Variants in LANCL2 observed in about 807,000 individuals in gnomAD.
The protein encoded by LANCL2 is lanC-like protein 2.
LANCL2 carries 33 observed loss-of-function variants against 56.9 expected under a neutral mutation model. That is an observed-to-expected ratio of 0.58 (90% confidence interval 0.44 to 0.78). The LOEUF is 0.78. LANCL2 is among the 30% of genes least tolerant of loss of function. LANCL2 has a pLI of 0.00. For synonymous variants in LANCL2, 233 were observed against 228.2 expected, an observed-to-expected ratio of 1.02 and a Z score of -0.19; for missense variants, 562 against 580.2, an observed-to-expected ratio of 0.97 and a Z score of 0.32.
intron 1 of LANCL2, among the ~76,000 whole-genome samples, chr7:55,367,455 T>C (rs2128990481): frequency 6.6e-6 from 1 of 152,358 alleles, no homozygotes; most frequent in African/African-American, 2.4e-5. Context: ...CCGGGCGCGG[T>C]GGCTCACGCC....
Position 55,413,035 on chromosome 7 carries a change from TACA to T in LANCL2, c.1008+951_1008+953del, listed in dbSNP as rs1471000642. On this transcript the variant is annotated intron_variant, in intron 6 of 8. Transcript: ENST00000254770. ...ATTTCTCAGAAATTTTTAGTCCTCC[TACA>T]ACAATACCAAAATATTCAAATCATA... Among the ~76,000 whole-genome samples the T allele has an allele frequency of 2.6e-5, 4 of 152,248 alleles. No homozygotes were observed. In the East Asian group the frequency reaches 7.7e-4, roughly 29 times the overall value.
intron 1 of LANCL2, among the ~76,000 whole-genome samples, chr7:55,386,102 C>T (rs956813936): frequency 5.9e-5 from 9 of 152,106 alleles, no homozygotes; most frequent in Non-Finnish European, 1.3e-4. Flanking sequence ...TCAGGGTGCC[C>T]GCATTTCATA....
intron 1 of LANCL2, among the ~76,000 whole-genome samples, chr7:55,367,081 G>A (rs1789882987): frequency 6.6e-6 from 1 of 152,172 alleles, no homozygotes; most frequent in African/African-American, 2.4e-5. Flanking sequence ...TTTTTCAAGT[G>A]CTTTTAGCTT....
Position 55,388,821 on chromosome 7 carries a change from C to T in LANCL2, c.205-2972C>T, listed in dbSNP as rs6963684. Among the ~76,000 whole-genome samples, 1,301 of 152,286 alleles carry T rather than the reference C, an allele frequency of 8.5e-3. 19 individuals are homozygous for T. The highest frequency in any genetic ancestry group is 0.03 in the African/African-American group (1,245 of 41,550). The stretch of plus-strand genomic sequence containing the variant: ...ATTCTGTCCTGGGAGCCCTTTGGTC[C>T]TCAGGCCTCATTTACAGTGGCTGAG... On this transcript the variant is annotated intron_variant, in intron 1 of 8. Coordinates refer to ENST00000254770, the MANE Select transcript of LANCL2 (RefSeq NM_018697.4).
chr7:55,375,598 C>T (rs1221832546), intron 1 of LANCL2, among the ~76,000 whole-genome samples: 1 of 152,194 alleles, frequency 6.6e-6, no homozygotes, highest in Non-Finnish European at 1.5e-5. Flanking sequence ...CCGTTGTTGC[C>T]ATAAATACCA....
intron 1 of LANCL2, among the ~76,000 whole-genome samples, chr7:55,367,444 G>T (rs1789888041): frequency 1.3e-5 from 2 of 152,242 alleles, no homozygotes. Context: ...CTCGAAACAG[G>T]CCGGGCGCGG....
chr7:55,419,385 T>C (rs1317712758), intron 6 of LANCL2, among the ~76,000 whole-genome samples: 1 of 151,188 alleles, frequency 6.6e-6, no homozygotes, highest in African/African-American at 2.4e-5. Context: ...TGATAGTTTC[T>C]CTTTTGTTCT....
At chr7:55,391,962 A>G in intron 2 of LANCL2, 52 bp downstream of exon 2, 1 of 1,044,310 alleles carries the variant, frequency 9.6e-7, no homozygotes, top group Non-Finnish European at 1.5e-6. Flanking sequence ...AGATTATGAG[A>G]TGTAAGACTT....
chr7:55,430,397 A>G (rs893859921), intron 8 of LANCL2, among the ~76,000 whole-genome samples: 1 of 152,200 alleles, frequency 6.6e-6, no homozygotes, highest in Non-Finnish European at 1.5e-5. Flanking sequence ...CATGCTCATA[A>G]GAGTGCCAGA....
intron 1 of LANCL2, among the ~76,000 whole-genome samples, chr7:55,377,088 T>TA (rs1292036572): frequency 6.6e-6 from 1 of 152,194 alleles, no homozygotes; most frequent in African/African-American, 2.4e-5. Flanking sequence ...TAACAGTTGT[T>TA]AGAGTGTTGA....
intron 1 of LANCL2, among the ~76,000 whole-genome samples, chr7:55,372,957 T>A (rs1248019648): frequency 1.3e-5 from 2 of 152,162 alleles, no homozygotes; most frequent in Non-Finnish European, 2.9e-5. Flanking sequence ...CTGTTGATGG[T>A]GGTGAGATGA....
At chr7:55,417,106 A>G (rs1404473247) in intron 6 of LANCL2, among the ~76,000 whole-genome samples, 1 of 150,950 alleles carries the variant, frequency 6.6e-6, no homozygotes, top group Non-Finnish European at 1.5e-5. Context: ...CAGCCTCCCG[A>G]GTAGCTGGGA....
intron 1 of LANCL2, among the ~76,000 whole-genome samples, chr7:55,383,530 C>G (rs1011545599): frequency 1.3e-5 from 2 of 152,164 alleles, no homozygotes; most frequent in Admixed American, 1.3e-4. Context: ...TTGGGCAGAT[C>G]TAGTTTTTAA....
chr7:55,431,192 C>G, intron 8 of LANCL2, 34 bp from the exon 9 acceptor site: 6 of 1,493,010 alleles, frequency 4.0e-6, no homozygotes, highest in Non-Finnish European at 5.6e-6. Flanking sequence ...TACCCTTATG[C>G]CATTCCTAAG....
chr7:55,381,465 A>G (rs1790068145), intron 1 of LANCL2, among the ~76,000 whole-genome samples: 1 of 152,244 alleles, frequency 6.6e-6, no homozygotes, highest in Non-Finnish European at 1.5e-5. Context: ...AAAGAAGCTT[A>G]GCTAAAGACG....
chr7:55,379,156 CACAAA>C (rs67805005), intron 1 of LANCL2, among the ~76,000 whole-genome samples: 53,118 of 151,758 alleles, frequency 0.35, 9,732 homozygotes, highest in African/African-American at 0.42. Flanking sequence ...TCTCAAAAAA[CACAAA>C]ACAAAACAAA....
At chr7:55,387,897 C>T (rs565248641) in intron 1 of LANCL2, among the ~76,000 whole-genome samples, 1 of 152,296 alleles carries the variant, frequency 6.6e-6, no homozygotes, top group Non-Finnish European at 1.5e-5. Flanking sequence ...AAAAATACCT[C>T]TTTTCCTTTT....
intron 3 of LANCL2, among the ~76,000 whole-genome samples, chr7:55,399,434 C>T (rs1413755991): frequency 6.6e-6 from 1 of 151,110 alleles, no homozygotes; most frequent in Non-Finnish European, 1.5e-5. Flanking sequence ...ACGTCCGCCT[C>T]CTGGGTTCAA....
At chr7:55,369,696 C>CCAG (rs35428826) in intron 1 of LANCL2, among the ~76,000 whole-genome samples, 45,628 of 151,698 alleles carry the variant, frequency 0.3, 7,270 homozygotes, top group Non-Finnish European at 0.35. Context: ...ATGTCTTTGA[C>CCAG]CAGCAGCAGC....
Sources: allele counts gnomAD v4.1 joint callset (sites outside exome capture counted in the v4.1 genomes callset), GRCh38; gene constraint gnomAD v4.1.1; transcripts MANE v1.5; gene names NCBI Gene and HGNC (gene_info 2026-07-23, HGNC 2026-07-21).